The following FAM185A variants were observed in gnomAD, a reference collection of about 807,000 sequenced individuals.
FAM185A encodes protein FAM185A.
FAM185A carries 21 observed loss-of-function variants against 45.7 expected under a neutral mutation model. The observed-to-expected ratio is 0.46, with a 90% CI of 0.33 to 0.66. The LOEUF is 0.66. Among genes scored for constraint, FAM185A ranks in the 30% least tolerant of loss-of-function variants. FAM185A has a pLI of 0.03. For synonymous variants in FAM185A, 117 were observed against 194.0 expected, an observed-to-expected ratio of 0.60 and a Z score of 3.30; for missense variants, 305 against 485.4, an observed-to-expected ratio of 0.63 and a Z score of 3.49.
the FAM185A span, among the ~76,000 whole-genome samples, chr7:102,821,473 A>G: frequency 1.3e-5 from 2 of 152,226 alleles, no homozygotes; most frequent in East Asian, 3.8e-4. Context: ...CTTAATTAAG[A>G]AAGTTCCTCT....
the FAM185A span, chr7:102,822,488 T>C: frequency 1.8e-6 from 1 of 553,030 alleles, no homozygotes; most frequent in Non-Finnish European, 3.4e-6. Context: ...TGTCTTCTTA[T>C]ATGGTCATAA....
chr7:102,809,801 C>G (rs1469688166), downstream of FAM185A, among the ~76,000 whole-genome samples: 1 of 152,068 alleles, frequency 6.6e-6, no homozygotes, highest in African/African-American at 2.4e-5. Context: ...TATCTGTCCC[C>G]CAAAATCTCA....
At chr7:102,755,037 G>A (rs1162447060) in intron 2 of FAM185A, 67 of 387,606 alleles carry the variant, frequency 1.7e-4, no homozygotes, top group Non-Finnish European at 2.6e-4. Flanking sequence ...TCCTTAAGAA[G>A]AAAAAAATGC....
intron 7 of FAM185A, among the ~76,000 whole-genome samples, chr7:102,806,758 G>A (rs1316881375): frequency 1.3e-5 from 2 of 152,146 alleles, no homozygotes; most frequent in African/African-American, 2.4e-5. Context: ...CAAACGAGGG[G>A]AGCTTTGTGA....
At chr7:102,807,151 T>C (rs1797167068) in intron 7 of FAM185A, among the ~76,000 whole-genome samples, 1 of 150,678 alleles carries the variant, frequency 6.6e-6, no homozygotes. Flanking sequence ...AACTAATCCA[T>C]AGTGCCGCAA....
intron 6 of FAM185A, among the ~76,000 whole-genome samples, chr7:102,779,016 T>G (rs539029997): frequency 6.6e-6 from 1 of 152,262 alleles, no homozygotes; most frequent in Non-Finnish European, 1.5e-5. Flanking sequence ...GTGACCTTCT[T>G]AATTCATTCC....
chr7:102,753,792 G>A (rs1339128697), intron 2 of FAM185A, among the ~76,000 whole-genome samples: 1 of 151,810 alleles, frequency 6.6e-6, no homozygotes, highest in African/African-American at 2.4e-5. Context: ...TGTATTTCAG[G>A]TTTATAAAAG....
intron 7 of FAM185A, among the ~76,000 whole-genome samples, chr7:102,800,029 A>G (rs933153899): frequency 1.3e-5 from 2 of 152,156 alleles, no homozygotes; most frequent in Admixed American, 6.5e-5. Context: ...CCGAAATACT[A>G]TGCTGGTATC....
the FAM185A span, among the ~76,000 whole-genome samples, chr7:102,815,985 T>C: frequency 6.6e-6 from 1 of 152,196 alleles, no homozygotes; most frequent in Non-Finnish European, 1.5e-5. Context: ...ACTCATTTAA[T>C]GCAGTGTGAT....
intron 6 of FAM185A, among the ~76,000 whole-genome samples, chr7:102,778,420 T>A (rs1795203330): frequency 6.6e-6 from 1 of 152,296 alleles, no homozygotes; most frequent in Non-Finnish European, 1.5e-5. Context: ...ATTACAAAGA[T>A]CCAAAGAGAA....
chr7:102,795,838 C>T (rs916363513), intron 7 of FAM185A, among the ~76,000 whole-genome samples: 17 of 151,998 alleles, frequency 1.1e-4, no homozygotes, highest in African/African-American at 4.1e-4. Flanking sequence ...AAGGCTTAAA[C>T]TATTTCCAAG....
intron 4 of FAM185A, among the ~76,000 whole-genome samples, chr7:102,767,806 G>A (rs1794504703): frequency 6.7e-6 from 1 of 149,902 alleles, no homozygotes; most frequent in Non-Finnish European, 1.5e-5. Context: ...CCCAGTCCCT[G>A]AACGTCATCT....
At chr7:102,821,956 A>G in the FAM185A span, 1 of 1,356,664 alleles carries the variant, frequency 7.4e-7, no homozygotes, top group Non-Finnish European at 1.0e-6. Flanking sequence ...GAAAGCTGCT[A>G]TGTATTATGA....
intron 7 of FAM185A, among the ~76,000 whole-genome samples, chr7:102,798,325 C>T (rs970654947): frequency 1.3e-5 from 2 of 152,172 alleles, no homozygotes; most frequent in Non-Finnish European, 2.9e-5. Context: ...AGAGTCTCCA[C>T]AGATTCAGGT....
At chr7:102,809,890 C>T (rs1276306750), downstream of FAM185A, among the ~76,000 whole-genome samples, 1 of 152,078 alleles carries the variant, frequency 6.6e-6, no homozygotes, top group Admixed American at 6.5e-5. Context: ...TTGTTACCAC[C>T]ACCTTCTTGG....
chr7:102,758,086 G>A (rs1793871150), intron 3 of FAM185A, 140 bp downstream of exon 3: 1 of 612,996 alleles, frequency 1.6e-6, no homozygotes. Flanking sequence ...ATTCAAATTT[G>A]AAATTGAAGT....
downstream of FAM185A, among the ~76,000 whole-genome samples, chr7:102,810,675 C>T (rs1797376425): frequency 6.6e-6 from 1 of 152,038 alleles, no homozygotes; most frequent in South Asian, 2.1e-4. Context: ...CTCATTGAAG[C>T]CTTAAACTCC....
chr7:102,848,275 G>GGAAAGAGGAAT, the FAM185A span, among the ~76,000 whole-genome samples: 1 of 113,022 alleles, frequency 8.8e-6, no homozygotes, highest in Admixed American at 7.8e-5. Context: ...ACACATTCGA[G>GGAAAGAGGAAT]GCCGGGCGCG....
intron 7 of FAM185A, among the ~76,000 whole-genome samples, chr7:102,803,780 A>T (rs1191421469): frequency 6.6e-6 from 1 of 152,136 alleles, no homozygotes; most frequent in Non-Finnish European, 1.5e-5. Flanking sequence ...TACCTCAAAA[A>T]CCCTAAAGAC....
Sources: allele counts gnomAD v4.1 joint callset (sites outside exome capture counted in the v4.1 genomes callset), GRCh38; gene constraint gnomAD v4.1.1; transcripts MANE v1.5; gene names NCBI Gene and HGNC (gene_info 2026-07-23, HGNC 2026-07-21).